Variants in DYSF observed in about 807,000 individuals in gnomAD.
DYSF encodes the protein dystrophy-associated fer-1-like 1.
Under a neutral mutation model 274.9 loss-of-function variants are expected in DYSF, and 212 were observed. The ratio of observed to expected loss-of-function variants is 0.77; its 90% CI spans 0.69 to 0.86. The LOEUF (loss-of-function observed/expected upper bound fraction) is 0.86. Among genes scored for constraint, DYSF ranks in the 40% least tolerant of loss-of-function variants. The pLI, the probability that DYSF is intolerant of heterozygous loss-of-function variation, is 0.00. For synonymous variants in DYSF, 1,091 were observed against 1,078.7 expected, an observed-to-expected ratio of 1.01 and a Z score of -0.22; for missense variants, 2,666 against 2,783.2, an observed-to-expected ratio of 0.96 and a Z score of 0.95.
At position 71,656,263 on chromosome 2, in the gene DYSF, A is replaced by G; in HGVS notation, c.4728A>G (p.Glu1576=). 1 of 1,614,218 alleles carries G rather than the reference A, an allele frequency of 6.2e-7. No individual in the cohort carries two copies. The highest frequency in any genetic ancestry group is 1.3e-5 in the African/African-American group (1 of 75,060). Residue 1576 remains glutamate, a synonymous_variant, in exon 43 of 56, where the codon GAA becomes GAG. Transcript: ENST00000410020. ...GGGGCAAGACGCAGGAGGAGACAGA[A>G]GATCCATCTGTGATTGGTGAATTTA... ...LYRGKTQEET[E]DPSVIGEFKG...
chr2:71,521,263 C>T (rs1414634596), intron 12 of DYSF, among the ~76,000 whole-genome samples: 1 of 152,106 alleles, frequency 6.6e-6, no homozygotes, highest in Non-Finnish European at 1.5e-5. Flanking sequence ...ATGCTCATCT[C>T]CACATGTCAG....
At chr2:71,461,320 C>G (rs923543223) in intron 1 of DYSF, among the ~76,000 whole-genome samples, 3 of 152,216 alleles carry the variant, frequency 2.0e-5, no homozygotes, top group African/African-American at 7.2e-5. Flanking sequence ...GGACTGCTTT[C>G]CTGGAGAGGT....
At chr2:71,552,126 C>T (rs1317292845) in intron 19 of DYSF, among the ~76,000 whole-genome samples, 1 of 152,106 alleles carries the variant, frequency 6.6e-6, no homozygotes, top group Non-Finnish European at 1.5e-5. Flanking sequence ...TTATTATTAT[C>T]CCCATTTCAC....
chr2:71,501,041 G>T (rs1458672445), intron 3 of DYSF, among the ~76,000 whole-genome samples: 1 of 152,002 alleles, frequency 6.6e-6, no homozygotes, highest in Non-Finnish European at 1.5e-5. Context: ...CATACTGACG[G>T]GTGCCTTCTG....
intron 12 of DYSF, among the ~76,000 whole-genome samples, chr2:71,524,258 T>C (rs2087616772): frequency 6.6e-6 from 1 of 152,234 alleles, no homozygotes. Flanking sequence ...AATCAGTTTA[T>C]GTGTCTGTCT....
intron 45 of DYSF, among the ~76,000 whole-genome samples, chr2:71,662,923 TGC>T (rs2152947763): frequency 2.0e-5 from 3 of 152,308 alleles, no homozygotes; most frequent in Non-Finnish European, 4.4e-5. Context: ...TGTATATGTG[TGC>T]ACGTATGTGC....
chr2:71,513,085 ACAGGT>A (rs2086263097), intron 5 of DYSF, among the ~76,000 whole-genome samples, 150 bp from the exon 6 acceptor site: 1 of 152,056 alleles, frequency 6.6e-6, no homozygotes, highest in Non-Finnish European at 1.5e-5. Flanking sequence ...GTGAGAAGGA[ACAGGT>A]GCCACTGGGC....
chr2:71,504,860 C>T (rs1559025745), intron 4 of DYSF, among the ~76,000 whole-genome samples: 1 of 152,262 alleles, frequency 6.6e-6, no homozygotes, highest in Non-Finnish European at 1.5e-5. Flanking sequence ...CCCTTCGCCT[C>T]CTCCTGCTCC....
intron 23 of DYSF, among the ~76,000 whole-genome samples, chr2:71,562,901 C>T (rs2091863052): frequency 1.3e-5 from 2 of 152,142 alleles, no homozygotes; most frequent in African/African-American, 4.8e-5. Context: ...TAATCTCAGC[C>T]CAGACTGACC....
At chr2:71,603,305 A>T (rs956075592) in intron 36 of DYSF, among the ~76,000 whole-genome samples, 1 of 152,104 alleles carries the variant, frequency 6.6e-6, no homozygotes, top group Non-Finnish European at 1.5e-5. Flanking sequence ...GGACGGGAAG[A>T]AGTTTAGAGT....
rs886042951 is a variant in DYSF at position 71,570,336 on chromosome 2, T to C, written c.3085+2T>C. The C allele has an allele frequency of 6.2e-7, 1 of 1,613,802 alleles. No individual in the cohort carries two copies. Among genetic ancestry groups the C allele is most frequent in the Non-Finnish European group, 8.5e-7 (1 of 1,179,858 alleles). On this transcript the variant is annotated splice_donor_variant, in intron 28 of 55. Transcript: ENST00000410020. LOFTEE classifies it high-confidence loss of function. The stretch of plus-strand genomic sequence containing the variant: ...TCAACCGGGCTGTCGATGAGCAAGG[T>C]GGGCAGCATGTGGAACCTGGCGAGC...
chr2:71,588,830 C>T (rs1194413428), intron 30 of DYSF: 2 of 153,180 alleles, frequency 1.3e-5, no homozygotes, highest in African/African-American at 4.8e-5. Context: ...CCGACTCTCC[C>T]CAGTCCCTCT....
intron 1 of DYSF, among the ~76,000 whole-genome samples, chr2:71,475,334 C>T (rs373107063): frequency 4.0e-4 from 61 of 152,298 alleles, no homozygotes; most frequent in African/African-American, 1.2e-3. Context: ...ATTCAGCACC[C>T]GATTACTGGC....
At chr2:71,621,534 T>A (rs1237091717) in intron 41 of DYSF, among the ~76,000 whole-genome samples, 1 of 152,056 alleles carries the variant, frequency 6.6e-6, no homozygotes, top group Non-Finnish European at 1.5e-5. Context: ...GAATACTTTT[T>A]AAAAACAAAA....
intron 19 of DYSF, 115 bp downstream of exon 19, chr2:71,551,835 A>T (rs1240887576): frequency 1.2e-6 from 1 of 815,822 alleles, no homozygotes. Flanking sequence ...GCCCACACGC[A>T]TCGTGCCTTT....
At chr2:71,465,383 G>C (rs750570830), upstream of DYSF, among the ~76,000 whole-genome samples, 3 of 152,158 alleles carry the variant, frequency 2.0e-5, no homozygotes, top group African/African-American at 7.2e-5. Context: ...TCTCTGCTCC[G>C]TAAAGAGGAA....
At chr2:71,611,754 T>C (rs1045429342) in intron 38 of DYSF, 128 bp downstream of exon 38, 42 of 1,244,110 alleles carry the variant, frequency 3.4e-5, no homozygotes, top group South Asian at 5.2e-5. Flanking sequence ...CACTTTCCTG[T>C]GAACATGGGG....
In DYSF at chr2:71,566,222, C is replaced by T. The variant is rs144334955; in HGVS notation, c.2566-1729C>T. On this transcript the variant is annotated intron_variant, in intron 24 of 55. Coordinates refer to ENST00000410020, the MANE Select transcript of DYSF (RefSeq NM_001130987.2). ...CGGGGAAGGCGGTCTGCGAGAGTGG[C>T]GGGGGCGGGGCGGGGGGTGCTGCTG... Among the ~76,000 whole-genome samples, 261 of 53,706 alleles carry T rather than the reference C, an allele frequency of 4.9e-3. 3 individuals are homozygous for T. Among genetic ancestry groups the T allele is most frequent in the African/African-American group, 0.016 (231 of 14,262 alleles). 35.2% of individuals were successfully genotyped at this position (53,706 alleles called of 152,430 possible).
intron 30 of DYSF, among the ~76,000 whole-genome samples, chr2:71,586,718 C>G (rs1004692127): frequency 3.9e-5 from 6 of 152,030 alleles, no homozygotes; most frequent in African/African-American, 2.4e-5. Context: ...AGAGGAGGTG[C>G]CTGGTGAGTG....
Sources: allele counts gnomAD v4.1 joint callset (sites outside exome capture counted in the v4.1 genomes callset), GRCh38; gene constraint gnomAD v4.1.1; transcripts MANE v1.5; gene names NCBI Gene and HGNC (gene_info 2026-07-23, HGNC 2026-07-21).